Variants in TTLL1 observed in about 807,000 individuals in gnomAD.
TTLL1 encodes the protein TTL family tubulin polyglutamylase complex subunit L1, also known as polyglutamylase complex subunit TTLL1.
Under a neutral mutation model 47.8 loss-of-function variants are expected in TTLL1, and 33 were observed. The ratio of observed to expected loss-of-function variants is 0.69; its 90% confidence interval spans 0.52 to 0.92. The LOEUF is 0.92. TTLL1 is among the 40% of genes least tolerant of loss of function. The pLI is 0.00. For missense variants in TTLL1, 488 were observed against 547.5 expected (o/e 0.89, Z 1.08); for synonymous variants, 225 against 214.1 (o/e 1.05, Z -0.45).
intron 1 of TTLL1, among the ~76,000 whole-genome samples, chr22:43,080,902 C>CTTTTTTT (rs10529079): frequency 0.074 from 5,112 of 68,978 alleles, 1,329 homozygotes; most frequent in Non-Finnish European, 0.1. Context: ...TGTTGCATGA[C>CTTTTTTT]TTTTTTTTTT....
chr22:43,054,441 TG>T (rs1331809247), intron 8 of TTLL1, among the ~76,000 whole-genome samples: 55 of 150,378 alleles, frequency 3.7e-4, no homozygotes, highest in African/African-American at 1.3e-3. Context: ...TTTTTTTTTT[TG>T]AGATGGAGTT....
chr22:43,063,462 CTTT>C (rs34847416), intron 7 of TTLL1, among the ~76,000 whole-genome samples: 4 of 139,716 alleles, frequency 2.9e-5, no homozygotes, highest in Admixed American at 2.2e-4. Flanking sequence ...AAAGTCGGTC[CTTT>C]TTTTTTTTTT....
intron 6 of TTLL1, 114 bp downstream of exon 6, chr22:43,064,076 C>T (rs1047694523): frequency 1.4e-5 from 22 of 1,520,964 alleles, no homozygotes; most frequent in African/African-American, 5.5e-5. Context: ...ATCCCTGCCC[C>T]GTGCCAGGCA....
chr22:43,064,009 G>A, intron 6 of TTLL1, 88 bp from the exon 7 acceptor site: 2 of 1,460,430 alleles, frequency 1.4e-6, no homozygotes, highest in Non-Finnish European at 1.9e-6. Context: ...CTGCTTTTGT[G>A]TGTGTGATTT....
At position 43,080,902 on chromosome 22, in the gene TTLL1, C is replaced by CTTTTTTTTTT. The variant is rs10529079; in HGVS notation, c.-89-926_-89-917dup. Among the ~76,000 whole-genome samples, 275 of 69,256 alleles carry CTTTTTTTTTT rather than the reference C, an allele frequency of 4.0e-3. 69 individuals carry two copies. The highest frequency in any genetic ancestry group is 0.014 in the East Asian group (18 of 1,314). 45.4% of individuals were successfully genotyped at this position (69,256 alleles called of 152,430 possible). A position where few individuals can be genotyped will look rare whatever the true frequency, so the allele number is the denominator to read the frequency against. Reference sequence around the variant, plus strand: ...GTCACCTGTTCCCAGTGTTGCATGACTTTTTTTTTTTTTTTTTTTTTTTTT... The same window carrying CTTTTTTTTTT: ...GTCACCTGTTCCCAGTGTTGCATGACTTTTTTTTTTTTTTTTTTTTTTTTTTTTTTTTTTT... On this transcript the variant is annotated intron_variant, in intron 1 of 10. Coordinates refer to ENST00000266254, the MANE Select transcript of TTLL1 (RefSeq NM_012263.5).
At chr22:43,067,938 G>C (rs1220951959) in intron 5 of TTLL1, among the ~76,000 whole-genome samples, 1 of 150,906 alleles carries the variant, frequency 6.6e-6, no homozygotes, top group East Asian at 2.0e-4. Flanking sequence ...TGAGTAGATG[G>C]GATTACAGGC....
At chr22:43,084,782 T>C (rs1929122542) in intron 1 of TTLL1, among the ~76,000 whole-genome samples, 1 of 151,652 alleles carries the variant, frequency 6.6e-6, no homozygotes, top group South Asian at 2.1e-4. Context: ...ATTACAGGCA[T>C]GAGCCACTGT....
At chr22:43,056,217 G>C (rs1926990590) in intron 8 of TTLL1, among the ~76,000 whole-genome samples, 1 of 151,680 alleles carries the variant, frequency 6.6e-6, no homozygotes, top group Admixed American at 6.6e-5. Context: ...AAATTAGCTG[G>C]GCGTGGTGGC....
At chr22:43,084,189 T>C (rs566850956) in intron 1 of TTLL1, among the ~76,000 whole-genome samples, 2 of 152,212 alleles carry the variant, frequency 1.3e-5, no homozygotes, top group East Asian at 1.9e-4. Flanking sequence ...CTAGCTCTAC[T>C]GCCCAGGCTG....
At chr22:43,069,327 G>A (rs1385126821) in intron 4 of TTLL1, among the ~76,000 whole-genome samples, 2 of 150,918 alleles carry the variant, frequency 1.3e-5, no homozygotes, top group African/African-American at 4.9e-5. Flanking sequence ...AGGAGGCGGA[G>A]GTTGCAGTGA....
intron 1 of TTLL1, among the ~76,000 whole-genome samples, chr22:43,083,499 G>T (rs35106288): frequency 1.3e-5 from 2 of 152,106 alleles, no homozygotes; most frequent in Non-Finnish European, 2.9e-5. Context: ...TTGGAAGGCC[G>T]AGATGGGCGG....
At chr22:43,066,099 C>T (rs1327509740) in intron 5 of TTLL1, among the ~76,000 whole-genome samples, 1 of 148,244 alleles carries the variant, frequency 6.7e-6, no homozygotes, top group Non-Finnish European at 1.5e-5. Context: ...GTGGAGGTTG[C>T]AGTGAGCTGA....
At position 43,089,039 on chromosome 22, in the gene TTLL1, C is replaced by A. The variant is rs556025577; in HGVS notation, c.-90+238G>T. 1.1e-4 allele frequency among the ~76,000 whole-genome samples: 16 copies of A among 152,344 alleles called. 1 individual carries two copies. In the South Asian group the frequency reaches 1.7e-3, roughly 16 times the overall value. On this transcript the variant is annotated intron_variant, in intron 1 of 10. Coordinates refer to ENST00000266254, the MANE Select transcript of TTLL1 (RefSeq NM_012263.5). ...ATAACAAATAATAAACATAATGATGCAATTGCAACAGTCGGACAGCACGAG... is the reference window on the plus strand; with the variant it reads ...ATAACAAATAATAAACATAATGATGAAATTGCAACAGTCGGACAGCACGAG...
At position 43,085,737 on chromosome 22, in the gene TTLL1, G is replaced by A. The variant is rs1157576582; in HGVS notation, c.-90+3540C>T. ...CAGGAATTCTCCGCATTTTACAGAT[G>A]AGGAAAATGGGGGCCAGAGAATAAA... On this transcript the variant is annotated intron_variant, in intron 1 of 10. Transcript: ENST00000266254. 2.0e-5 allele frequency among the ~76,000 whole-genome samples: 3 copies of A among 152,208 alleles called. No homozygotes were observed. In the East Asian group the frequency reaches 5.8e-4, roughly 29 times the overall value.
intron 7 of TTLL1, among the ~76,000 whole-genome samples, chr22:43,060,349 G>T (rs920970887): frequency 3.6e-4 from 55 of 152,304 alleles, no homozygotes; most frequent in African/African-American, 1.3e-3. Context: ...TCTGGCTGAT[G>T]CCAGGTGTCA....
At chr22:43,059,361 T>G in intron 8 of TTLL1, 23 bp downstream of exon 8, 5 of 1,585,348 alleles carry the variant, frequency 3.2e-6, no homozygotes, top group Non-Finnish European at 3.4e-6. Context: ...GGGAGCCGGC[T>G]CCCCCGCCCG....
chr22:43,050,371 G>A (rs896233184), intron 9 of TTLL1, among the ~76,000 whole-genome samples: 6 of 151,420 alleles, frequency 4.0e-5, no homozygotes, highest in Non-Finnish European at 8.8e-5. Flanking sequence ...AGCCGAGATC[G>A]TGCCATTGTA....
chr22:43,088,863 CT>C (rs1929426407), intron 1 of TTLL1, among the ~76,000 whole-genome samples: 1 of 152,196 alleles, frequency 6.6e-6, no homozygotes, highest in African/African-American at 2.4e-5. Context: ...GGGGAAATGT[CT>C]TGGTCCAGTC....
In TTLL1 at chr22:43,040,744, C is replaced by A. The variant is rs565055812; in HGVS notation, c.1143-839G>T. On this transcript the variant is annotated intron_variant, in intron 10 of 10. Coordinates refer to ENST00000266254, the MANE Select transcript of TTLL1 (RefSeq NM_012263.5). ...ACAGGCGTGGGCCACCGTGCCTGGC[C>A]CCCATTTTCTTTAACTGCCTGTTTC... is the stretch of plus-strand genomic sequence containing the variant. 3.1e-4 allele frequency among the ~76,000 whole-genome samples: 47 copies of A among 152,252 alleles called. No individual in the cohort carries two copies. In the Middle Eastern group the frequency reaches 0.01, roughly 33 times the overall value.
Sources: gnomAD v4.1 joint callset for allele counts (sites outside exome capture counted in the v4.1 genomes callset) on GRCh38, gnomAD v4.1.1 for gene constraint, MANE v1.5 for transcripts, NCBI Gene and HGNC (gene_info 2026-07-23, HGNC 2026-07-21) for gene names.